Variants in LRRC7 observed in about 807,000 individuals in gnomAD.
The protein encoded by LRRC7 is leucine rich repeat containing 7, also known as leucine-rich repeat-containing protein 7.
LRRC7 carries 23 observed loss-of-function variants against 175.7 expected under a neutral mutation model. That is an observed-to-expected ratio of 0.13 (90% CI 0.09 to 0.19). LRRC7 has a LOEUF of 0.19. Ranked by LOEUF, LRRC7 falls within the 10% of genes least tolerant of loss-of-function variation. LRRC7 has a pLI of 1.00. For synonymous variants in LRRC7, 685 were observed against 680.9 expected, an observed-to-expected ratio of 1.01 and a Z score of -0.09; for missense variants, 1,354 against 1,904.7, an observed-to-expected ratio of 0.71 and a Z score of 5.38.
intron 8 of LRRC7, among the ~76,000 whole-genome samples, chr1:69,978,764 G>T (rs2101884275): frequency 6.6e-6 from 1 of 152,220 alleles, no homozygotes; most frequent in East Asian, 1.9e-4. Context: ...AACCTCCAAT[G>T]ACCTACAATT....
At chr1:69,648,972 G>C (rs1288950928) in intron 1 of LRRC7, among the ~76,000 whole-genome samples, 1 of 152,188 alleles carries the variant, frequency 6.6e-6, no homozygotes, top group African/African-American at 2.4e-5. Flanking sequence ...AAAATGTTGA[G>C]AAAATATTCT....
intron 7 of LRRC7, among the ~76,000 whole-genome samples, chr1:69,884,850 T>C (rs1176579085): frequency 3.5e-5 from 5 of 142,810 alleles, no homozygotes; most frequent in Non-Finnish European, 7.6e-5. Flanking sequence ...TGTCAAAGGC[T>C]TTTTCTGCAT....
chr1:70,099,974 G>A (rs1301376603), intron 25 of LRRC7, among the ~76,000 whole-genome samples: 2 of 152,032 alleles, frequency 1.3e-5, no homozygotes, highest in Non-Finnish European at 2.9e-5. Context: ...GTAAGTGAAT[G>A]AATATGATTA....
At chr1:69,940,759 C>CA (rs768440534) in intron 8 of LRRC7, among the ~76,000 whole-genome samples, 3 of 151,872 alleles carry the variant, frequency 2.0e-5, no homozygotes, top group East Asian at 1.9e-4. Context: ...TAAATCACCC[C>CA]AAAAAAACAA....
chr1:69,950,186 T>C (rs565407773), intron 8 of LRRC7, among the ~76,000 whole-genome samples: 59 of 151,952 alleles, frequency 3.9e-4, no homozygotes, highest in Non-Finnish European at 7.2e-4. Context: ...ATAATAGTAA[T>C]GAAAATGAAA....
intron 3 of LRRC7, among the ~76,000 whole-genome samples, chr1:69,777,446 T>A (rs1339315976): frequency 6.6e-6 from 1 of 152,224 alleles, no homozygotes; most frequent in Admixed American, 6.5e-5. Context: ...CTCTCTGGGT[T>A]ATCACCTTCA....
intron 1 of LRRC7, among the ~76,000 whole-genome samples, chr1:69,603,863 G>A (rs530465860): frequency 7.9e-5 from 12 of 152,020 alleles, no homozygotes; most frequent in Admixed American, 3.3e-4. Context: ...ACTCCCGTTT[G>A]TGGTTGCTTT....
intron 17 of LRRC7, among the ~76,000 whole-genome samples, chr1:70,024,243 A>G (rs1041340696): frequency 6.6e-6 from 1 of 151,736 alleles, no homozygotes; most frequent in Non-Finnish European, 1.5e-5. Context: ...TCTTACTGGA[A>G]TTTACAATCA....
intron 2 of LRRC7, among the ~76,000 whole-genome samples, chr1:69,717,786 GAAAGAAAGAAAGAAAGAAAGAAAGA>G (rs1198113007): frequency 2.6e-4 from 5 of 19,304 alleles, no homozygotes; most frequent in African/African-American, 5.8e-4. Context: ...AAGAAAGAAA[GAAAGAAAGAAAGAAAGAAAGAAAGA>G]AAGAAAGAAA....
At chr1:69,997,644 A>G (rs1477720538) in intron 11 of LRRC7, among the ~76,000 whole-genome samples, 2 of 150,090 alleles carry the variant, frequency 1.3e-5, no homozygotes, top group African/African-American at 4.9e-5. Context: ...CCTTTTCTGC[A>G]TCTATTGAGA....
At chr1:69,712,175 T>A (rs1390734861) in intron 2 of LRRC7, among the ~76,000 whole-genome samples, 1 of 152,066 alleles carries the variant, frequency 6.6e-6, no homozygotes, top group Non-Finnish European at 1.5e-5. Flanking sequence ...ACCTGGAGGC[T>A]CAGTCACTTA....
chr1:69,569,398 G>T (rs889220257), intron 1 of LRRC7, among the ~76,000 whole-genome samples: 1 of 151,992 alleles, frequency 6.6e-6, no homozygotes, highest in Non-Finnish European at 1.5e-5. Flanking sequence ...CCAATCCAGC[G>T]CTGGGTCCCC....
intron 3 of LRRC7, among the ~76,000 whole-genome samples, chr1:69,790,322 G>T (rs958708010): frequency 9.2e-5 from 14 of 151,950 alleles, no homozygotes; most frequent in African/African-American, 3.4e-4. Flanking sequence ...GGAGATCTTG[G>T]ATTCTTTTGT....
chr1:69,589,115 GGT>G (rs55678803), intron 1 of LRRC7, among the ~76,000 whole-genome samples: 2,852 of 142,340 alleles, frequency 0.02, 29 homozygotes, highest in South Asian at 0.024. Context: ...TCATAAAAAG[GGT>G]GTGTGTGTGT....
At chr1:69,818,028 G>A (rs1449490101) in intron 4 of LRRC7, among the ~76,000 whole-genome samples, 2 of 152,006 alleles carry the variant, frequency 1.3e-5, no homozygotes, top group Non-Finnish European at 2.9e-5. Flanking sequence ...ATTGTTTAGG[G>A]TTTTCTATAT....
chr1:70,051,182 G>C (rs1660717975), intron 22 of LRRC7, among the ~76,000 whole-genome samples: 1 of 151,946 alleles, frequency 6.6e-6, no homozygotes, highest in Admixed American at 6.6e-5. Context: ...AAACATGTCT[G>C]GGTGGAGGAA....
chr1:69,889,922 A>G (rs1645782462), intron 7 of LRRC7, among the ~76,000 whole-genome samples: 2 of 152,230 alleles, frequency 1.3e-5, no homozygotes, highest in South Asian at 4.1e-4. Flanking sequence ...TTAAAGTTTT[A>G]TGAGATTGCA....
intron 7 of LRRC7, among the ~76,000 whole-genome samples, chr1:69,897,629 A>G (rs530631574): frequency 1.3e-5 from 2 of 152,310 alleles, no homozygotes; most frequent in South Asian, 2.1e-4. Flanking sequence ...CATAGAATCA[A>G]TTTATGCTAC....
intron 7 of LRRC7, among the ~76,000 whole-genome samples, chr1:69,923,984 G>T (rs1646975567): frequency 6.6e-6 from 1 of 151,918 alleles, no homozygotes; most frequent in African/African-American, 2.4e-5. Flanking sequence ...TTTGTATAAG[G>T]TGTAAGGAAG....
Sources: gnomAD v4.1 joint callset for allele counts (sites outside exome capture counted in the v4.1 genomes callset) on GRCh38, gnomAD v4.1.1 for gene constraint, MANE v1.5 for transcripts, NCBI Gene and HGNC (gene_info 2026-07-23, HGNC 2026-07-21) for gene names.